ZNF804B: variants seen among roughly 807,000 people sequenced by gnomAD.
The protein encoded by ZNF804B is zinc finger 804B.
A neutral mutation model predicts 101.4 loss-of-function variants in ZNF804B; 80 were observed. The observed-to-expected ratio is 0.79, with a 90% CI of 0.66 to 0.95. The LOEUF is 0.95. Ranked by LOEUF, ZNF804B falls within the 40% of genes least tolerant of loss-of-function variation. The pLI is 0.00. For missense variants in ZNF804B, 1,673 were observed against 1,561.9 expected, an observed-to-expected ratio of 1.07 and a Z score of -1.20; for synonymous variants, 622 against 558.8, an observed-to-expected ratio of 1.11 and a Z score of -1.59.
chr7:89,113,564 C>A (rs1488399015), intron 1 of ZNF804B, among the ~76,000 whole-genome samples: 1 of 152,068 alleles, frequency 6.6e-6, no homozygotes, highest in Non-Finnish European at 1.5e-5. Flanking sequence ...CGCTCATTTT[C>A]ATCATTACCA....
intron 1 of ZNF804B, among the ~76,000 whole-genome samples, chr7:88,785,364 G>A (rs183204545): frequency 4.7e-4 from 72 of 152,068 alleles, no homozygotes; most frequent in African/African-American, 1.6e-3. Flanking sequence ...TTCAGTAAAG[G>A]ACACTATAGG....
At chr7:88,934,973 A>G (rs1792944705) in intron 1 of ZNF804B, among the ~76,000 whole-genome samples, 2 of 151,902 alleles carry the variant, frequency 1.3e-5, no homozygotes, top group Admixed American at 1.3e-4. Flanking sequence ...CATGGAACCA[A>G]GCTAAGTACC....
At chr7:88,762,654 A>G (rs1789916121) in intron 1 of ZNF804B, among the ~76,000 whole-genome samples, 1 of 151,972 alleles carries the variant, frequency 6.6e-6, no homozygotes, top group African/African-American at 2.4e-5. Flanking sequence ...TCAGAGATCC[A>G]TAAAATACAT....
At chr7:89,152,143 C>G (rs1394980317) in intron 1 of ZNF804B, among the ~76,000 whole-genome samples, 1 of 151,954 alleles carries the variant, frequency 6.6e-6, no homozygotes, top group Non-Finnish European at 1.5e-5. Context: ...GGCTTACCAT[C>G]TTTTGCTTAG....
chr7:89,192,979 G>A (rs976994192), intron 1 of ZNF804B, among the ~76,000 whole-genome samples: 1 of 151,966 alleles, frequency 6.6e-6, no homozygotes. Context: ...AATAAACTAG[G>A]TATTGAAGGA....
At chr7:89,158,137 A>C (rs1791004081) in intron 1 of ZNF804B, among the ~76,000 whole-genome samples, 1 of 152,142 alleles carries the variant, frequency 6.6e-6, no homozygotes, top group Non-Finnish European at 1.5e-5. Flanking sequence ...CAATCTCATA[A>C]CATGATTCTG....
At chr7:88,979,057 A>C (rs982275471) in intron 1 of ZNF804B, among the ~76,000 whole-genome samples, 1 of 151,972 alleles carries the variant, frequency 6.6e-6, no homozygotes, top group African/African-American at 2.4e-5. Flanking sequence ...TGCAAGAGAA[A>C]GCTAGTAAAA....
intron 2 of ZNF804B, among the ~76,000 whole-genome samples, chr7:89,290,652 G>GCCTGT (rs1238442673): frequency 6.6e-6 from 1 of 152,144 alleles, no homozygotes; most frequent in Non-Finnish European, 1.5e-5. Flanking sequence ...CTGTAGAAAG[G>GCCTGT]AGAGGTAAAA....
chr7:89,188,181 C>T (rs538698718), intron 1 of ZNF804B, among the ~76,000 whole-genome samples: 50 of 152,068 alleles, frequency 3.3e-4, no homozygotes, highest in Non-Finnish European at 5.4e-4. Flanking sequence ...TGTTACACTT[C>T]GGTAATTCTT....
At chr7:88,924,842 CG>C (rs202133558) in intron 1 of ZNF804B, among the ~76,000 whole-genome samples, 2,373 of 152,192 alleles carry the variant, frequency 0.016, 53 homozygotes, top group African/African-American at 0.054. Flanking sequence ...TTTGTGCCCC[CG>C]CACACCCAAC....
chr7:89,161,895 A>G (rs1032623327), intron 1 of ZNF804B, among the ~76,000 whole-genome samples: 1 of 152,170 alleles, frequency 6.6e-6, no homozygotes, highest in Non-Finnish European at 1.5e-5. Context: ...TTCTGTAGCA[A>G]TATGAGATAG....
intron 2 of ZNF804B, among the ~76,000 whole-genome samples, chr7:89,227,193 A>G (rs902998788): frequency 6.6e-6 from 1 of 152,208 alleles, no homozygotes; most frequent in African/African-American, 2.4e-5. Context: ...AAGGATACAT[A>G]TGAGATAAAA....
intron 1 of ZNF804B, among the ~76,000 whole-genome samples, chr7:89,143,744 G>A (rs1210428921): frequency 6.6e-6 from 1 of 151,906 alleles, no homozygotes; most frequent in Non-Finnish European, 1.5e-5. Context: ...TCTTTTTAGT[G>A]TCTCAAACTA....
At chr7:88,798,585 G>A (rs1487817469) in intron 1 of ZNF804B, among the ~76,000 whole-genome samples, 1 of 151,730 alleles carries the variant, frequency 6.6e-6, no homozygotes, top group Non-Finnish European at 1.5e-5. Flanking sequence ...TTTGCTATTG[G>A]GTTGCTTCCT....
chr7:89,030,754 C>T (rs959914055), intron 1 of ZNF804B, among the ~76,000 whole-genome samples: 5 of 152,104 alleles, frequency 3.3e-5, no homozygotes, highest in African/African-American at 1.2e-4. Context: ...CAATTGCTCC[C>T]TTTTGTCTTA....
chr7:89,277,851 T>C (rs1361341012), intron 2 of ZNF804B, among the ~76,000 whole-genome samples: 1 of 152,120 alleles, frequency 6.6e-6, no homozygotes, highest in African/African-American at 2.4e-5. Flanking sequence ...TTATAATCCT[T>C]TGGGTATATA....
chr7:88,822,049 G>A (rs1478432890), intron 1 of ZNF804B, among the ~76,000 whole-genome samples: 1 of 152,156 alleles, frequency 6.6e-6, no homozygotes, highest in Non-Finnish European at 1.5e-5. Context: ...ATTGACTCCT[G>A]TACAAATTAA....
chr7:89,078,305 T>A (rs999405779), intron 1 of ZNF804B, among the ~76,000 whole-genome samples: 4 of 152,072 alleles, frequency 2.6e-5, no homozygotes, highest in African/African-American at 9.6e-5. Flanking sequence ...GAAAAACAAA[T>A]GCTAAGCTTT....
At chr7:88,919,128 G>A (rs975023102) in intron 1 of ZNF804B, among the ~76,000 whole-genome samples, 2 of 152,000 alleles carry the variant, frequency 1.3e-5, no homozygotes, top group African/African-American at 2.4e-5. Flanking sequence ...TAACCAAGGA[G>A]GCATCATTAT....
Sources: gnomAD v4.1 joint callset for allele counts (sites outside exome capture counted in the v4.1 genomes callset) on GRCh38, gnomAD v4.1.1 for gene constraint, MANE v1.5 for transcripts, NCBI Gene and HGNC (gene_info 2026-07-23, HGNC 2026-07-21) for gene names.